GRID2: variants seen among roughly 807,000 people sequenced by gnomAD.
GRID2 encodes glutamate receptor ionotropic, delta-2.
A neutral mutation model predicts 114.8 loss-of-function variants in GRID2; 33 were observed. That is an observed-to-expected ratio of 0.29 (90% confidence interval 0.22 to 0.38). GRID2 has a LOEUF of 0.38. Ranked by LOEUF, GRID2 falls within the 10% of genes least tolerant of loss-of-function variation. GRID2 has a pLI of 1.00. For synonymous variants in GRID2, 505 were observed against 449.9 expected (o/e 1.12, Z -1.55); for missense variants, 1,184 against 1,257.7 (o/e 0.94, Z 0.89).
intron 8 of GRID2, among the ~76,000 whole-genome samples, chr4:93,280,852 T>G (rs956244085): frequency 2.0e-5 from 3 of 151,954 alleles, no homozygotes; most frequent in Non-Finnish European, 2.9e-5. Context: ...CTGAGGATAA[T>G]AAAGTACTGT....
At chr4:93,291,006 T>C (rs1017706612) in intron 8 of GRID2, among the ~76,000 whole-genome samples, 1 of 150,498 alleles carries the variant, frequency 6.6e-6, no homozygotes, top group African/African-American at 2.5e-5. Flanking sequence ...GCCTCCTGAG[T>C]AGCTGGGACT....
At chr4:93,700,144 T>G (rs1330535893) in intron 14 of GRID2, among the ~76,000 whole-genome samples, 2 of 152,146 alleles carry the variant, frequency 1.3e-5, no homozygotes, top group Non-Finnish European at 1.5e-5. Flanking sequence ...TTTGTCTCAC[T>G]TTACATTGGG....
At chr4:93,651,863 C>A (rs1722608585) in intron 14 of GRID2, among the ~76,000 whole-genome samples, 1 of 152,114 alleles carries the variant, frequency 6.6e-6, no homozygotes, top group Non-Finnish European at 1.5e-5. Context: ...CTATACACAA[C>A]CCCAGCCTCC....
intron 1 of GRID2, among the ~76,000 whole-genome samples, chr4:92,444,939 C>T (rs982243900): frequency 6.6e-5 from 10 of 151,972 alleles, no homozygotes; most frequent in Admixed American, 6.5e-5. Flanking sequence ...AAATTATTGG[C>T]TTAACAAATC....
In GRID2 at chr4:92,601,352, C is replaced by G. The variant is rs535849474; in HGVS notation, c.244+11066C>G. Among the ~76,000 whole-genome samples, 17 of 152,282 alleles carry G rather than the reference C, an allele frequency of 1.1e-4. No individual in the cohort carries two copies. The South Asian group carries it at 3.1e-3, about 28-fold the overall frequency. On this transcript the variant is annotated intron_variant, in intron 2 of 15. Transcript: ENST00000282020. ...ACAATATCTCATACAACAGTGAACTCATATTCAAACTCAAGATTAAGAAAT... is the reference window on the plus strand; with the variant it reads ...ACAATATCTCATACAACAGTGAACTGATATTCAAACTCAAGATTAAGAAAT...
At position 93,769,338 on chromosome 4, in the gene GRID2, G is replaced by C. The variant is rs374041363; in HGVS notation, c.2489G>C (p.Ser830Thr). Residue 830 changes from serine (S) to threonine (T), a missense_variant, in exon 15 of 16, where the codon AGC becomes ACC. Ser to Thr is a moderately conservative substitution (Grantham distance 58, BLOSUM62 1). Coordinates refer to ENST00000282020, the MANE Select transcript of GRID2 (RefSeq NM_001510.4). Reference sequence around the variant, plus strand: ...AAAGGAGGCGCCCTGGACATAAAGAGCTTTGCAGGGGTCTTTTGTATCCTG... The same window carrying C: ...AAAGGAGGCGCCCTGGACATAAAGACCTTTGCAGGGGTCTTTTGTATCCTG... ...KQKGGALDIK[S>T]FAGVFCILAA... is the part of the protein sequence containing the mutation. The C allele has an allele frequency of 2.0e-5, 33 of 1,614,062 alleles. No individual in the cohort carries two copies. In the Admixed American group the frequency reaches 2.8e-4, roughly 14 times the overall value.
chr4:92,363,223 G>GTC (rs1728698319), intron 1 of GRID2, among the ~76,000 whole-genome samples: 1 of 151,978 alleles, frequency 6.6e-6, no homozygotes, highest in Admixed American at 6.6e-5. Flanking sequence ...ATTTTAACAA[G>GTC]TCCCCCCATG....
chr4:93,254,137 T>C (rs1267807266), intron 8 of GRID2, among the ~76,000 whole-genome samples: 2 of 152,118 alleles, frequency 1.3e-5, no homozygotes, highest in Non-Finnish European at 2.9e-5. Flanking sequence ...GTCACTTTTA[T>C]TAATCATAGT....
intron 2 of GRID2, among the ~76,000 whole-genome samples, chr4:92,684,493 G>C (rs1733806698): frequency 6.6e-6 from 1 of 151,756 alleles, no homozygotes; most frequent in African/African-American, 2.4e-5. Flanking sequence ...TTCTTGTTCT[G>C]TCTTTCCTAA....
At chr4:92,919,472 T>G (rs542113271) in intron 2 of GRID2, among the ~76,000 whole-genome samples, 2 of 152,352 alleles carry the variant, frequency 1.3e-5, no homozygotes, top group Admixed American at 1.3e-4. Context: ...CTTTCCTGCT[T>G]TCTCTAGTGG....
chr4:92,956,931 T>C (rs1752446823), intron 2 of GRID2, among the ~76,000 whole-genome samples: 1 of 152,194 alleles, frequency 6.6e-6, no homozygotes, highest in Admixed American at 6.5e-5. Flanking sequence ...GCATATTTTA[T>C]GTGCTTGTTT....
chr4:93,220,843 A>C (rs1744791205), intron 6 of GRID2, among the ~76,000 whole-genome samples: 1 of 152,220 alleles, frequency 6.6e-6, no homozygotes, highest in Non-Finnish European at 1.5e-5. Flanking sequence ...AACGTCTATC[A>C]CTACGTGAAT....
intron 1 of GRID2, among the ~76,000 whole-genome samples, chr4:93,798,883 G>A (rs961349431): frequency 5.9e-5 from 9 of 152,116 alleles, no homozygotes; most frequent in Non-Finnish European, 1.0e-4. Flanking sequence ...TATGCAGCAC[G>A]CTAGGCTTAC....
chr4:92,341,270 T>A (rs1727474315), intron 1 of GRID2, among the ~76,000 whole-genome samples: 1 of 152,168 alleles, frequency 6.6e-6, no homozygotes, highest in Non-Finnish European at 1.5e-5. Context: ...CTTCTGTCAC[T>A]GCCATGTTAT....
chr4:92,464,902 G>A (rs1721673915), intron 1 of GRID2, among the ~76,000 whole-genome samples: 1 of 152,086 alleles, frequency 6.6e-6, no homozygotes, highest in Admixed American at 6.6e-5. Context: ...GATCACGGGG[G>A]CAGATTTCCC....
At chr4:93,615,635 AC>A (rs374022419) in intron 13 of GRID2, among the ~76,000 whole-genome samples, 5,698 of 138,728 alleles carry the variant, frequency 0.041, 115 homozygotes, top group African/African-American at 0.072. Flanking sequence ...AAAGGCCTTC[AC>A]CCCAAAAAAA....
At chr4:93,370,781 T>G (rs1027714676) in intron 8 of GRID2, among the ~76,000 whole-genome samples, 54 of 152,300 alleles carry the variant, frequency 3.5e-4, no homozygotes, top group African/African-American at 1.3e-3. Context: ...TTATTTTCCC[T>G]GTGTGATTTG....
At chr4:93,727,552 G>A (rs1390016637) in intron 14 of GRID2, among the ~76,000 whole-genome samples, 1 of 151,998 alleles carries the variant, frequency 6.6e-6, no homozygotes, top group Non-Finnish European at 1.5e-5. Context: ...AATAGTTTCA[G>A]AAGGAGTGGT....
chr4:92,986,950 C>T (rs1340875989), intron 2 of GRID2, among the ~76,000 whole-genome samples: 1 of 151,844 alleles, frequency 6.6e-6, no homozygotes, highest in Non-Finnish European at 1.5e-5. Context: ...CTTTTTGTCC[C>T]CCAAAAGCCT....
Sources: allele counts gnomAD v4.1 joint callset (sites outside exome capture counted in the v4.1 genomes callset), GRCh38; gene constraint gnomAD v4.1.1; transcripts MANE v1.5; gene names NCBI Gene and HGNC (gene_info 2026-07-23, HGNC 2026-07-21).